Variants in MED24 observed in about 807,000 individuals in gnomAD.
The protein encoded by MED24 is mediator of RNA polymerase II transcription subunit 24.
In MED24, 74 loss-of-function variants were observed where a neutral mutation model predicts 118.8. That is an observed-to-expected ratio of 0.62 (90% confidence interval 0.52 to 0.76). The LOEUF (loss-of-function observed/expected upper bound fraction) is 0.76. Among genes scored for constraint, MED24 ranks in the 30% least tolerant of loss-of-function variants. The probability of loss-of-function intolerance (pLI) is 0.00; values close to 1 mark genes in which losing one functional copy is unlikely to be tolerated. For synonymous variants in MED24, 521 were observed against 523.9 expected, an observed-to-expected ratio of 0.99 and a Z score of 0.08; for missense variants, 1,041 against 1,278.9, an observed-to-expected ratio of 0.81 and a Z score of 2.84.
At chr17:40,031,394 G>T in intron 11 of MED24, 144 bp downstream of exon 11, 1 of 1,189,058 alleles carries the variant, frequency 8.4e-7, no homozygotes, top group South Asian at 1.3e-5. Context: ...CTGGGGACTT[G>T]GCAACTGTGG....
rs188963438 is a variant in MED24, at chr17:40,047,416, C to T, written c.213+5882G>A. ...GTGGCTCATGCCTGTAATCCCAGCA[C>T]TTTGGGAGGCTAAGGCAGGTGGATC... On this transcript the variant is annotated intron_variant, in intron 3 of 25. Coordinates refer to ENST00000394128, the MANE Select transcript of MED24 (RefSeq NM_014815.4). Among the ~76,000 whole-genome samples the T allele has an allele frequency of 2.8e-3, 426 of 151,292 alleles. 3 individuals are homozygous for T. The Middle Eastern group carries it at 0.066, about 24-fold the overall frequency.
chr17:40,039,574 C>T (rs148355816), intron 3 of MED24, among the ~76,000 whole-genome samples: 20 of 152,326 alleles, frequency 1.3e-4, no homozygotes, highest in Middle Eastern at 3.4e-3. Context: ...TATCTATTTA[C>T]TTCTGTTACT....
Position 40,022,711 on chromosome 17 carries a change from G to T in MED24, c.2366C>A (p.Pro789His). 2 of 1,613,972 alleles carry T rather than the reference G, an allele frequency of 1.2e-6. No homozygotes were observed. The highest frequency in any genetic ancestry group is 1.7e-6 in the Non-Finnish European group (2 of 1,179,982). The change falls in exon 21 of 26, where the codon CCT becomes CAT. Residue 789 changes from proline to histidine, a missense_variant. By Grantham distance (77) the Pro-to-His change is moderately conservative. This residue lies in a region of MED24 where 587 missense variants were observed against 694.4 expected (regional missense o/e 0.85). Coordinates refer to ENST00000394128, the MANE Select transcript of MED24 (RefSeq NM_014815.4). ...VTLVLLGHILPGLLTDSSKWH... is the reference protein window; with the variant it reads ...VTLVLLGHILHGLLTDSSKWH... ...CTTGGAGGAGTCAGTGAGCAGGCCA[G>T]GTAGGATGTGGCCCAGCAGGACCAG...
chr17:40,049,166 C>A (rs1463810653), intron 3 of MED24, among the ~76,000 whole-genome samples: 2 of 151,932 alleles, frequency 1.3e-5, no homozygotes, highest in African/African-American at 4.8e-5. Context: ...CATAGTGAGA[C>A]CCCGTTTCCA....
chr17:40,034,014 T>G (rs1254744707), intron 6 of MED24, among the ~76,000 whole-genome samples: 3 of 152,120 alleles, frequency 2.0e-5, no homozygotes, highest in Non-Finnish European at 4.4e-5. Flanking sequence ...CTTTAGCAAC[T>G]CACCCGACTG....
Position 40,023,017 on chromosome 17 carries a change from G to A in MED24, c.2250+114C>T, listed in dbSNP as rs568244949. 8.6e-4 allele frequency: 1,241 copies of A among 1,437,438 alleles called. 3 individuals carry two copies. The highest frequency in any genetic ancestry group is 8.7e-4 in the Non-Finnish European group (926 of 1,063,528). The allele number at this position is 1,437,438 out of a possible 1,614,324, so 89.0% of individuals were successfully genotyped here. A position where few individuals can be genotyped will look rare whatever the true frequency, so the allele number is the denominator to read the frequency against. ...AGGCAACTCTGAGGCGAGGCATTCC[G>A]GGGAGGCCACCTGGCTCACGGCAGC... On this transcript the variant is annotated intron_variant, in intron 20 of 25. Transcript: ENST00000394128.
Position 40,027,441 on chromosome 17 carries a change from AG to A in MED24, c.1471del (p.Leu491CysfsTer21), listed in dbSNP as rs1982807412. The A allele has an allele frequency of 2.5e-6, 4 of 1,613,422 alleles. No individual in the cohort carries two copies. The South Asian group carries it at 4.4e-5, about 18-fold the overall frequency. On this transcript the variant is annotated frameshift_variant, in exon 16 of 26. Coordinates refer to ENST00000394128, the MANE Select transcript of MED24 (RefSeq NM_014815.4). LOFTEE classifies it high-confidence loss of function. ...CATGAGGAAGGAGATGTCAAACAGC[AG>A]GGCCCGGACGGAGGCCGGTTTGGCT... Reference protein sequence around the residue: ...ESTKPASVRALLFDISFLMLC... With the variant: ...ESTKPASVRAXLFDISFLMLC...
At chr17:40,045,293 A>T (rs1457399071) in intron 3 of MED24, among the ~76,000 whole-genome samples, 1 of 152,028 alleles carries the variant, frequency 6.6e-6, no homozygotes, top group African/African-American at 2.4e-5. Context: ...TACTAAAAAT[A>T]AAAAAATGGG....
Position 40,053,587 on chromosome 17 carries a change from G to A in MED24, c.12C>T (p.Val4=). 2.5e-6 allele frequency: 4 copies of A among 1,614,100 alleles called. No homozygotes were observed. The highest frequency in any genetic ancestry group is 3.4e-6 in the Non-Finnish European group (4 of 1,180,042). ...CTTGCAAAATGGCTTGCTTCAGGTT[G>A]ACCACCTTCATTATTTCACTCTGAG... The part of the protein sequence containing the change: MKV[V]NLKQAILQAW... The change falls in exon 2 of 26, where the codon GTC becomes GTT. Residue 4 remains valine (V), a synonymous_variant. Transcript: ENST00000394128.
At chr17:40,042,532 G>GCCCA (rs1445472535) in intron 3 of MED24, among the ~76,000 whole-genome samples, 1 of 152,118 alleles carries the variant, frequency 6.6e-6, no homozygotes, top group Non-Finnish European at 1.5e-5. Flanking sequence ...AATTAGCTGT[G>GCCCA]CGTGGTGGTG....
chr17:40,027,652 C>A lies in MED24; in HGVS notation c.1448-187G>T, dbSNP rs929618921. On this transcript the variant is annotated intron_variant, in intron 15 of 25. Coordinates refer to ENST00000394128, the MANE Select transcript of MED24 (RefSeq NM_014815.4). ...CATCCCTTCCTTGAGACCAAAGACC[C>A]CCAGCACCCTCTCCTGGCATACCTA... 3 of 672,990 alleles carry A rather than the reference C, an allele frequency of 4.5e-6. No homozygotes were observed. In the Admixed American group the frequency reaches 8.4e-5, roughly 19 times the overall value. 41.7% of individuals were successfully genotyped at this position (672,990 alleles called of 1,614,324 possible). A position where few individuals can be genotyped will look rare whatever the true frequency, so the allele number is the denominator to read the frequency against.
rs558755458 is a variant in MED24 at position 40,033,390 on chromosome 17, G to A, written c.626C>T (p.Pro209Leu). The change falls in exon 7 of 26, where the codon CCG (proline) becomes CTG (leucine). Residue 209 changes from proline to leucine, a missense_variant. Pro to Leu is a moderately conservative substitution (Grantham distance 98). Around this residue, in one of 3 missense-constraint regions of MED24, gnomAD observed 434 missense variants for 514.9 expected, o/e 0.84. Coordinates refer to ENST00000394128, the MANE Select transcript of MED24 (RefSeq NM_014815.4). This position sits in a 1 kb window ranked among gnomAD's most constrained non-coding sequence, Gnocchi z 5.2. Reference protein sequence around the residue: ...LGEILANLSNPQLRSQAEQCG... With the variant: ...LGEILANLSNLQLRSQAEQCG... Reference sequence around the variant, plus strand: ...CTGCTCGGCCTGACTCCGGAGCTGCGGGTTGCTGAGATTGGCCAGGATCTC... The same window carrying A: ...CTGCTCGGCCTGACTCCGGAGCTGCAGGTTGCTGAGATTGGCCAGGATCTC... The A allele has an allele frequency of 1.6e-5, 26 of 1,611,910 alleles. No homozygotes were observed. In the East Asian group the frequency reaches 2.9e-4, roughly 18 times the overall value.
chr17:40,035,227 G>A lies in MED24; in HGVS notation c.449C>T (p.Thr150Ile). Residue 150 changes from threonine to isoleucine, a missense_variant, in exon 6 of 26, where the codon ACT becomes ATT. Transcript: ENST00000394128. ...AAGCTGCTTCTCCCCAGCGGCTGGA[G>A]TGCCGGCCTCCAGCCCCTCCCGCAG... The part of the protein sequence containing the change: ...ERLREGLEAG[T>I]PAAGEKQLAM... The A allele has an allele frequency of 5.6e-6, 9 of 1,613,988 alleles. No individual in the cohort carries two copies. The highest frequency in any genetic ancestry group is 7.6e-6 in the Non-Finnish European group (9 of 1,179,996).
intron 4 of MED24, 142 bp downstream of exon 4, chr17:40,035,974 C>A (rs1983889339): frequency 8.8e-7 from 1 of 1,139,812 alleles, no homozygotes; most frequent in Non-Finnish European, 1.3e-6. Flanking sequence ...CCAGGATCCC[C>A]CTCCCATGGA....
intron 3 of MED24, among the ~76,000 whole-genome samples, chr17:40,046,754 AC>A (rs2144981416): frequency 6.6e-6 from 1 of 151,124 alleles, no homozygotes; most frequent in African/African-American, 2.4e-5. Context: ...TCAAAAAAAA[AC>A]AAGAAGAAGA....
At position 40,029,824 on chromosome 17, in the gene MED24, G is replaced by A. The variant is rs528054691; in HGVS notation, c.1190C>T (p.Ser397Leu). ...GGGCTGGATGTTGGCATTCTCTCCC[G>A]ATTTCTGCTGGGGTGCGTGCTCTCG... is the stretch of plus-strand genomic sequence containing the variant. ...ADREHAPQQK[S>L]GENANIQPNI... Residue 397 changes from serine to leucine, a missense_variant, in exon 13 of 26, where the codon TCG becomes TTG. By Grantham distance (145) the Ser-to-Leu change is moderately radical. Around this residue, in one of 3 missense-constraint regions of MED24, gnomAD observed 434 missense variants for 514.9 expected, o/e 0.84. Coordinates refer to ENST00000394128, the MANE Select transcript of MED24 (RefSeq NM_014815.4). 46 of 1,614,090 alleles carry A rather than the reference G, an allele frequency of 2.8e-5. No homozygotes were observed. The highest frequency in any genetic ancestry group is 1.6e-4 in the Middle Eastern group (1 of 6,062).
intron 23 of MED24, chr17:40,020,595 C>T (rs1022940276): frequency 2.7e-6 from 2 of 745,326 alleles, no homozygotes; most frequent in Non-Finnish European, 4.3e-6. Context: ...TGAGACCAGC[C>T]TTGGCAACTA....
At chr17:40,028,114 GTTTTT>G in intron 14 of MED24, 168 bp from the exon 15 acceptor site, 1 of 596,886 alleles carries the variant, frequency 1.7e-6, no homozygotes, top group South Asian at 2.2e-5. Context: ...TTTGTTTTTT[GTTTTT>G]TTTTTGTTTT....
intron 19 of MED24, 153 bp from the exon 20 acceptor site, chr17:40,023,548 C>A (rs1421349346): frequency 4.3e-6 from 3 of 699,482 alleles, no homozygotes; most frequent in Non-Finnish European, 7.0e-6. Flanking sequence ...ACGGTATACC[C>A]CGGGGTGACC....
Sources: gnomAD v4.1 joint callset for allele counts (sites outside exome capture counted in the v4.1 genomes callset) on GRCh38, gnomAD v4.1.1 for gene constraint, gnomAD v4.1.1 regional missense constraint, Gnocchi (gnomAD v3.1) non-coding constraint, MANE v1.5 for transcripts, NCBI Gene and HGNC (gene_info 2026-07-23, HGNC 2026-07-21) for gene names.